PCNT: variants seen among roughly 807,000 people sequenced by gnomAD.
PCNT encodes pericentrin, also known as kendrin.
Under a neutral mutation model 380.4 loss-of-function variants are expected in PCNT, and 319 were observed. That is an observed-to-expected ratio of 0.84 (90% CI 0.77 to 0.92). The LOEUF is 0.92. Ranked by LOEUF, PCNT falls within the 40% of genes least tolerant of loss-of-function variation. The pLI, the probability that PCNT is intolerant of heterozygous loss-of-function variation, is 0.00. For synonymous variants in PCNT, 1,845 were observed against 1,735.2 expected (o/e 1.06, Z -1.57); for missense variants, 4,400 against 4,255.3 (o/e 1.03, Z -0.95).
intron 35 of PCNT, 60 bp downstream of exon 35, chr21:46,428,650 C>A: frequency 1.4e-6 from 2 of 1,410,102 alleles, no homozygotes; most frequent in Non-Finnish European, 1.9e-6. Context: ...GCCCGACACT[C>A]ACCTGTGTGG....
Position 46,351,514 on chromosome 21 carries a change from C to T in PCNT, c.1430C>T (p.Ala477Val), listed in dbSNP as rs770312615. 6.2e-7 allele frequency: 1 copy of T among 1,608,510 alleles called. No homozygotes were observed. Among genetic ancestry groups the T allele is most frequent in the Admixed American group, 1.7e-5 (1 of 60,006 alleles). Residue 477 changes from alanine to valine, a missense_variant, in exon 9 of 47, where the codon GCC becomes GTC. Physicochemically the swap from Ala to Val is moderately conservative, Grantham distance 64. Coordinates refer to ENST00000359568, the MANE Select transcript of PCNT (RefSeq NM_006031.6). The part of the protein sequence containing the change: ...IRRLWSQLDS[A>V]RTSRQELSEL... ...CGCTTGTGGTCCCAGCTTGATTCTG[C>T]CAGGACCAGTAGACAGGAATTGAGT...
intron 43 of PCNT, 77 bp from the exon 44 acceptor site, chr21:46,442,420 C>T: frequency 1.1e-6 from 1 of 895,376 alleles, no homozygotes; most frequent in East Asian, 2.5e-5. Context: ...CTTGTTTGGT[C>T]ACAGTGGGGT....
At position 46,402,492 on chromosome 21, in the gene PCNT, C is replaced by A. The variant is rs766539650; in HGVS notation, c.5115+9C>A. On this transcript the variant is annotated intron_variant, in intron 27 of 46. Transcript: ENST00000359568. ...AGAACACGAGCTTGAAGGTAAGCTA[C>A]CAAAGGTCCACGTGACGCCCGAGTT... 6 of 1,613,782 alleles carry A rather than the reference C, an allele frequency of 3.7e-6. No individual in the cohort carries two copies. In the East Asian group the frequency reaches 6.7e-5, roughly 18 times the overall value.
chr21:46,376,129 C>G (rs1169349852), intron 15 of PCNT, among the ~76,000 whole-genome samples: 1 of 152,096 alleles, frequency 6.6e-6, no homozygotes, highest in Non-Finnish European at 1.5e-5. Context: ...ATCCCGGAGG[C>G]CGCGGGGCTA....
rs2086002206 is a variant in PCNT, at chr21:46,390,673, G to C, written c.3844G>C (p.Glu1282Gln). The C allele has an allele frequency of 1.9e-6, 3 of 1,614,022 alleles. No homozygotes were observed. The highest frequency in any genetic ancestry group is 1.7e-5 in the Admixed American group (1 of 60,012). The change falls in exon 20 of 47, where the codon GAA becomes CAA. Residue 1282 changes from glutamate to glutamine, a missense_variant. Glu to Gln is a conservative substitution (Grantham distance 29). Transcript: ENST00000359568. ...ATTTGCAAATGTGTTTTAACAGCTG[G>C]AAGAAGCACGCCAAATTCATTCTCG... ...EMALDSSRQL[E>Q]EARQIHSRFE...
At chr21:46,442,605 T>A in intron 44 of PCNT, 32 bp downstream of exon 44, 2 of 1,320,908 alleles carry the variant, frequency 1.5e-6, no homozygotes, top group Non-Finnish European at 1.1e-6. Flanking sequence ...ACCGCTGGAC[T>A]CACAAACCTT....
In PCNT at chr21:46,381,196, CTGTGTGTGTGTGTGTGTGTGTGTGTG is replaced by C. The variant is rs10523538; in HGVS notation, c.3166-474_3166-449del. On this transcript the variant is annotated intron_variant, in intron 15 of 46. Transcript: ENST00000359568. ...TTCCAAAAAAAAAAAAAAAAAATCT[CTGTGTGTGTGTGTGTGTGTGTGTGTG>C]TGTGTGTGTGTGTGTGTGTGTGTAT... Among the ~76,000 whole-genome samples the C allele has an allele frequency of 3.4e-4, 41 of 122,248 alleles. 2 individuals are homozygous for C. The East Asian group carries it at 4.2e-3, about 13-fold the overall frequency. The allele number at this position is 122,248 out of a possible 152,430, so 80.2% of individuals were successfully genotyped here. A position where few individuals can be genotyped will look rare whatever the true frequency, so the allele number is the denominator to read the frequency against.
At chr21:46,360,725 A>G (rs925055135) in intron 13 of PCNT, among the ~76,000 whole-genome samples, 3 of 147,582 alleles carry the variant, frequency 2.0e-5, no homozygotes, top group Admixed American at 6.8e-5. Flanking sequence ...TCACCATGTT[A>G]GCCAGGATGG....
At chr21:46,345,027 A>T (rs1355191440) in intron 3 of PCNT, among the ~76,000 whole-genome samples, 1 of 152,152 alleles carries the variant, frequency 6.6e-6, no homozygotes, top group African/African-American at 2.4e-5. Flanking sequence ...CCATACAAGG[A>T]TCTTTAAAGT....
intron 12 of PCNT, 46 bp downstream of exon 12, chr21:46,355,672 G>T: frequency 1.2e-6 from 2 of 1,602,556 alleles, no homozygotes; most frequent in Non-Finnish European, 1.7e-6. Flanking sequence ...TCCCGGGTCT[G>T]GGGGACGTTC....
At chr21:46,376,536 A>G (rs2085337555) in intron 15 of PCNT, among the ~76,000 whole-genome samples, 1 of 152,244 alleles carries the variant, frequency 6.6e-6, no homozygotes, top group Non-Finnish European at 1.5e-5. Flanking sequence ...TGTGGGCACC[A>G]TGGTGGCGCC....
intron 16 of PCNT, among the ~76,000 whole-genome samples, chr21:46,383,764 G>A (rs1448921444): frequency 6.8e-5 from 9 of 131,860 alleles, no homozygotes; most frequent in South Asian, 2.7e-4. Flanking sequence ...ATTCAGCAGC[G>A]GAAGCGCATT....
At chr21:46,383,394 G>T (rs190638424) in intron 16 of PCNT, among the ~76,000 whole-genome samples, 1 of 147,000 alleles carries the variant, frequency 6.8e-6, no homozygotes, top group East Asian at 2.1e-4. Context: ...TTCAGTGACG[G>T]AAGCGCATTC....
intron 46 of PCNT, 56 bp from the exon 47 acceptor site, chr21:46,445,228 A>C: frequency 8.0e-7 from 1 of 1,252,154 alleles, no homozygotes. Context: ...AATTCTTTTC[A>C]AAAAATCTGT....
chr21:46,349,035 T>C lies in PCNT; in HGVS notation c.1056T>C (p.Ser352=), dbSNP rs1167541466. The C allele has an allele frequency of 6.2e-7, 1 of 1,600,256 alleles. No homozygotes were observed. Among genetic ancestry groups the C allele is most frequent in the South Asian group, 1.1e-5 (1 of 90,696 alleles). Residue 352 remains serine, a synonymous_variant, in exon 7 of 47, where the codon TCT becomes TCC. Transcript: ENST00000359568. ...AGACCCTGAAGGAAGATTGGGAATCTGAAAAAGATTTATGTTTAGAAAATC... is the reference window on the plus strand; with the variant it reads ...AGACCCTGAAGGAAGATTGGGAATCCGAAAAAGATTTATGTTTAGAAAATC... ...IVKTLKEDWE[S]EKDLCLENLR...
chr21:46,395,709 TA>T (rs1182151767), intron 21 of PCNT, among the ~76,000 whole-genome samples: 1 of 151,452 alleles, frequency 6.6e-6, no homozygotes, highest in Non-Finnish European at 1.5e-5. Flanking sequence ...GAAATAATAG[TA>T]ATAAAATAGA....
chr21:46,363,845 G>GCGGGAGCCGCCCACAGCCCAGGA lies in PCNT; in HGVS notation c.2525_2547dup (p.Glu850SerfsTer15). ...ACGCCCTGCATTGCAGCCAGTGTGG[G>GCGGGAGCCGCCCACAGCCCAGGA]CGGGAGCCGCCCACAGCCCAGGACG... is the stretch of plus-strand genomic sequence containing the variant. On this transcript the variant is annotated frameshift_variant, in exon 14 of 47. Coordinates refer to ENST00000359568, the MANE Select transcript of PCNT (RefSeq NM_006031.6). LOFTEE classifies it high-confidence loss of function. 1 of 1,612,096 alleles carries GCGGGAGCCGCCCACAGCCCAGGA rather than the reference G, an allele frequency of 6.2e-7. No homozygotes were observed. Among genetic ancestry groups the GCGGGAGCCGCCCACAGCCCAGGA allele is most frequent in the South Asian group, 1.1e-5 (1 of 91,026 alleles).
intron 27 of PCNT, among the ~76,000 whole-genome samples, chr21:46,409,115 G>A (rs2086704341): frequency 6.6e-6 from 1 of 151,316 alleles, no homozygotes; most frequent in South Asian, 2.1e-4. Flanking sequence ...TACATGATTT[G>A]CAGGTATTTT....
In PCNT at chr21:46,432,074, G is replaced by C. The variant is rs775015178; in HGVS notation, c.8610G>C (p.Trp2870Cys). 2 of 1,614,094 alleles carry C rather than the reference G, an allele frequency of 1.2e-6. No homozygotes were observed. The highest frequency in any genetic ancestry group is 1.7e-5 in the Admixed American group (1 of 60,024). Residue 2870 changes from tryptophan to cysteine, a missense_variant, in exon 38 of 47, where the codon TGG becomes TGC. Trp to Cys is a radical substitution (Grantham distance 215). Transcript: ENST00000359568. ...AGAGAGAGAGGGAGAAACCAGCGTG[G>C]TTGCAGGCAGAATTAGAGCAGTCAC... ...SLEREREKPA[W>C]LQAELEQSHP... is the part of the protein sequence containing the mutation.
Sources: allele counts gnomAD v4.1 joint callset (sites outside exome capture counted in the v4.1 genomes callset), GRCh38; gene constraint gnomAD v4.1.1; transcripts MANE v1.5; gene names NCBI Gene and HGNC (gene_info 2026-07-23, HGNC 2026-07-21).